The following PRKCA variants were observed in gnomAD, a reference collection of about 807,000 sequenced individuals.
PRKCA encodes the protein protein kinase C alpha type.
A neutral mutation model predicts 87.0 loss-of-function variants in PRKCA; 27 were observed. The observed-to-expected ratio is 0.31, with a 90% CI of 0.23 to 0.43. The LOEUF (loss-of-function observed/expected upper bound fraction) is 0.43, where lower values mean the gene tolerates loss of function less well. Among genes scored for constraint, PRKCA ranks in the 20% least tolerant of loss-of-function variants. The pLI is 1.00. For missense variants in PRKCA, 518 were observed against 852.3 expected (o/e 0.61, Z 4.88); for synonymous variants, 329 against 311.1 (o/e 1.06, Z -0.61).
At chr17:66,796,714 C>T in intron 16 of PRKCA, 2 of 985,320 alleles carry the variant, frequency 2.0e-6, no homozygotes, top group Non-Finnish European at 2.4e-6. Context: ...AATGCACCAG[C>T]CCATTTCTGC....
chr17:66,515,473 A>G (rs1057446627), intron 3 of PRKCA, among the ~76,000 whole-genome samples: 1 of 152,088 alleles, frequency 6.6e-6, no homozygotes, highest in African/African-American at 2.4e-5. Context: ...GATACAGTGG[A>G]ATTAACTGAG....
intron 8 of PRKCA, chr17:66,703,420 C>G (rs1029887780): frequency 2.0e-5 from 3 of 152,114 alleles, no homozygotes; most frequent in Non-Finnish European, 1.5e-5. Context: ...TGTCATCACC[C>G]CTGATAACAA....
In PRKCA at chr17:66,343,907, T is replaced by C. The variant is rs139039993; in HGVS notation, c.205+37780T>C. Among the ~76,000 whole-genome samples the C allele has an allele frequency of 9.3e-4, 141 of 152,228 alleles. No individual in the cohort carries two copies. The Middle Eastern group carries it at 0.017, about 18-fold the overall frequency. ...CATTTTAAAATTGATAGCACCATGA[T>C]GCCTACCATTGTATGTTTTCAGTGA... On this transcript the variant is annotated intron_variant, in intron 2 of 16. Coordinates refer to ENST00000413366, the MANE Select transcript of PRKCA (RefSeq NM_002737.3).
chr17:66,458,838 C>A (rs1430505367), intron 2 of PRKCA, among the ~76,000 whole-genome samples: 1 of 152,058 alleles, frequency 6.6e-6, no homozygotes, highest in Admixed American at 6.6e-5. Flanking sequence ...ATTTGGTTAC[C>A]GACCTTCCCA....
rs150169236 is a variant in PRKCA, at chr17:66,335,118, G to A, written c.205+28991G>A. ...GGCTAGGGGTAGGGGGAAATGGGAA[G>A]TTCGTTTTTATTTTCATTTTATTTT... On this transcript the variant is annotated intron_variant, in intron 2 of 16. Transcript: ENST00000413366. 5.3e-3 allele frequency among the ~76,000 whole-genome samples: 804 copies of A among 152,052 alleles called. 11 individuals carry two copies. Among genetic ancestry groups the A allele is most frequent in the African/African-American group, 0.019 (772 of 41,492 alleles).
Position 66,607,162 on chromosome 17 carries a change from C to T in PRKCA, c.289-34193C>T, listed in dbSNP as rs566541224. ...TCAATCGGTAAAAATCAAAAGATGC[C>T]GGCTCTCTTGGCTGACCTTTAAATT... On this transcript the variant is annotated intron_variant, in intron 3 of 16. Coordinates refer to ENST00000413366, the MANE Select transcript of PRKCA (RefSeq NM_002737.3). Among the ~76,000 whole-genome samples, 79 of 152,170 alleles carry T rather than the reference C, an allele frequency of 5.2e-4. No homozygotes were observed. In the South Asian group the frequency reaches 0.015, roughly 28 times the overall value.
At chr17:66,331,586 G>C (rs547667770) in intron 2 of PRKCA, among the ~76,000 whole-genome samples, 1 of 152,232 alleles carries the variant, frequency 6.6e-6, no homozygotes, top group Admixed American at 6.5e-5. Context: ...AGAACCTAAG[G>C]CCGGATCTTT....
chr17:66,781,859 A>G (rs1975224056), intron 14 of PRKCA, among the ~76,000 whole-genome samples: 1 of 115,056 alleles, frequency 8.7e-6, no homozygotes, highest in South Asian at 2.5e-4. Context: ...TGAGAGAGAG[A>G]GAGAGAGAGA....
chr17:66,418,599 G>A (rs1912303670), intron 2 of PRKCA, among the ~76,000 whole-genome samples: 1 of 151,750 alleles, frequency 6.6e-6, no homozygotes, highest in Non-Finnish European at 1.5e-5. Flanking sequence ...ACCACGCCTG[G>A]CTAATTTTTG....
intron 11 of PRKCA, among the ~76,000 whole-genome samples, chr17:66,740,540 C>T (rs1402786023): frequency 3.3e-5 from 5 of 152,142 alleles, no homozygotes; most frequent in Admixed American, 2.0e-4. Flanking sequence ...TAACTGAAGG[C>T]AGAATAGGGA....
intron 5 of PRKCA, among the ~76,000 whole-genome samples, chr17:66,655,620 A>C (rs948399924): frequency 5.9e-5 from 9 of 152,164 alleles, no homozygotes; most frequent in African/African-American, 2.2e-4. Flanking sequence ...CCACTATGTC[A>C]TAAGTCCTTT....
At position 66,780,297 on chromosome 17, in the gene PRKCA, T is replaced by C. The variant is rs1473030678; in HGVS notation, c.1605+6230T>C. ...CATCACCTCAATGGCATTCAACTCA[T>C]GGGAACACTGGCAGCAACAAAGAAA... On this transcript the variant is annotated intron_variant, in intron 14 of 16. Transcript: ENST00000413366. Among the ~76,000 whole-genome samples the C allele has an allele frequency of 3.9e-5, 6 of 152,110 alleles. No homozygotes were observed. In the South Asian group the frequency reaches 8.3e-4, roughly 21 times the overall value.
chr17:66,381,044 A>G (rs1175444671), intron 2 of PRKCA, among the ~76,000 whole-genome samples: 5 of 151,226 alleles, frequency 3.3e-5, no homozygotes, highest in African/African-American at 1.2e-4. Context: ...GGCTCAAGAG[A>G]TCCTCTTGCT....
In PRKCA at chr17:66,786,347, A is replaced by G. The variant is rs76746888; in HGVS notation, c.1606-520A>G. Among the ~76,000 whole-genome samples, 738 of 152,310 alleles carry G rather than the reference A, an allele frequency of 4.8e-3. 1 individual carries two copies. The highest frequency in any genetic ancestry group is 7.7e-3 in the Non-Finnish European group (523 of 68,018). On this transcript the variant is annotated intron_variant, in intron 14 of 16. Coordinates refer to ENST00000413366, the MANE Select transcript of PRKCA (RefSeq NM_002737.3). ...TAAGGTCCCATCACTGCTGCTGTGC[A>G]GCTGGAAGGCCCTCCCTCAGAGCAG...
At chr17:66,521,355 T>G (rs2144220934) in intron 3 of PRKCA, among the ~76,000 whole-genome samples, 1 of 152,300 alleles carries the variant, frequency 6.6e-6, no homozygotes, top group East Asian at 1.9e-4. Context: ...ATTTTTATAG[T>G]TTTTAAACAT....
At chr17:66,529,241 A>G (rs1172532303) in intron 3 of PRKCA, among the ~76,000 whole-genome samples, 2 of 152,222 alleles carry the variant, frequency 1.3e-5, no homozygotes, top group Non-Finnish European at 2.9e-5. Flanking sequence ...CATAGACATT[A>G]TGGTAATAGT....
At position 66,409,667 on chromosome 17, in the gene PRKCA, C is replaced by A. The variant is rs1268517414; in HGVS notation, c.206-86534C>A. Among the ~76,000 whole-genome samples, 4 of 152,292 alleles carry A rather than the reference C, an allele frequency of 2.6e-5. No individual in the cohort carries two copies. In the South Asian group the frequency reaches 8.3e-4, roughly 32 times the overall value. On this transcript the variant is annotated intron_variant, in intron 2 of 16. Transcript: ENST00000413366. ...ACTCAGGGCTGGGCGCGGTGGCTCA[C>A]GCCTGTAATCCCAGCACTTTGGGAG...
At chr17:66,602,915 T>G (rs1970094114) in intron 3 of PRKCA, among the ~76,000 whole-genome samples, 1 of 152,118 alleles carries the variant, frequency 6.6e-6, no homozygotes, top group Admixed American at 6.5e-5. Flanking sequence ...TAACCGGGGA[T>G]TCAGTCTGTG....
At chr17:66,767,507 A>G (rs959319263) in intron 13 of PRKCA, among the ~76,000 whole-genome samples, 1 of 152,128 alleles carries the variant, frequency 6.6e-6, no homozygotes, top group Admixed American at 6.5e-5. Context: ...TCAGGACAGG[A>G]TTTGTAGAAA....
Sources: gnomAD v4.1 joint callset for allele counts (sites outside exome capture counted in the v4.1 genomes callset) on GRCh38, gnomAD v4.1.1 for gene constraint, MANE v1.5 for transcripts, NCBI Gene and HGNC (gene_info 2026-07-23, HGNC 2026-07-21) for gene names.